PAK4: variants seen among roughly 807,000 people sequenced by gnomAD.
PAK4 encodes the protein serine/threonine-protein kinase PAK 4.
PAK4 carries 49 observed loss-of-function variants against 53.5 expected under a neutral mutation model. The observed-to-expected ratio is 0.92, with a 90% CI of 0.73 to 1.16. The LOEUF is 1.16. PAK4 is among the 50% of genes most tolerant of loss of function. The probability of loss-of-function intolerance (pLI) is 0.00; values close to 1 mark genes in which losing one functional copy is unlikely to be tolerated. For missense variants in PAK4, 824 were observed against 850.7 expected (o/e 0.97, Z 0.39); for synonymous variants, 376 against 375.6 (o/e 1.00, Z -0.01).
chr19:39,176,740 TC>T (rs746049944), intron 7 of PAK4, 25 bp downstream of exon 8: 9 of 1,603,820 alleles, frequency 5.6e-6, no homozygotes, highest in Non-Finnish European at 5.9e-6. Context: ...GGCTTGGTTG[TC>T]CCGCCGTGGA....
intron 1 of PAK4, among the ~76,000 whole-genome samples, chr19:39,130,161 T>TGGG (rs1212389214): frequency 1.8e-5 from 1 of 56,136 alleles, no homozygotes; most frequent in Non-Finnish European, 3.5e-5. Flanking sequence ...CAGGGTGGGG[T>TGGG]GGTGGGACCC....
At chr19:39,148,289 G>A (rs1331222992) in intron 1 of PAK4, among the ~76,000 whole-genome samples, 2 of 151,466 alleles carry the variant, frequency 1.3e-5, no homozygotes, top group African/African-American at 2.4e-5. Flanking sequence ...TGTCAGATAC[G>A]TGGTTTGCAA....
intron 1 of PAK4, among the ~76,000 whole-genome samples, chr19:39,165,515 AAAATAAATAAAT>A (rs57100878): frequency 1.8e-4 from 24 of 135,076 alleles, no homozygotes; most frequent in African/African-American, 5.1e-4. Context: ...ACTCCCTCTC[AAAATAAATAAAT>A]AAATAAATAA....
chr19:39,166,443 A>AAAAT (rs1004714988), intron 1 of PAK4, among the ~76,000 whole-genome samples: 1 of 152,208 alleles, frequency 6.6e-6, no homozygotes, highest in Non-Finnish European at 1.5e-5. Context: ...GACTCCGTTT[A>AAAAT]AAATAAATAA....
rs546757252 is a variant in PAK4, at chr19:39,158,872, CA to C, written c.-22-10659del. Among the ~76,000 whole-genome samples, 396 of 152,264 alleles carry C rather than the reference CA, an allele frequency of 2.6e-3. 4 individuals carry two copies. The highest frequency in any genetic ancestry group is 4.2e-3 in the Non-Finnish European group (288 of 68,016). On this transcript the variant is annotated intron_variant, in intron 1 of 8. Transcript: ENST00000358301. ...CCAACCCTGGAGAAGGTAAGACTAG[CA>C]TATTTGCTCGGCAGAAGGGACCATG...
intron 1 of PAK4, among the ~76,000 whole-genome samples, chr19:39,133,461 G>A (rs1468999896): frequency 1.3e-5 from 2 of 152,190 alleles, no homozygotes; most frequent in Non-Finnish European, 2.9e-5. Context: ...CTAGGGAGGA[G>A]ACTGAGAGCC....
rs2074582672 is a variant in PAK4, at chr19:39,175,344, T to C, written c.1265T>C (p.Leu422Pro). 6.3e-7 allele frequency: 1 copy of C among 1,599,600 alleles called. No individual in the cohort carries two copies. Among genetic ancestry groups the C allele is most frequent in the Admixed American group, 1.7e-5 (1 of 57,532 alleles). ...GAGGAGCAGATCGCGGCCGTGTGCC[T>C]TGCAGTGCTGCAGGCCCTGTCGGTG... The change falls in exon 6 of 9, where the codon CTT becomes CCT. Residue 422 changes from leucine to proline, a missense_variant. Around this residue, in one of 2 missense-constraint regions of PAK4, gnomAD observed 346 missense variants for 415.0 expected, o/e 0.83. Transcript: ENST00000358301. The surrounding 1 kb of genome is among the most constrained non-coding windows in gnomAD (Gnocchi z 4.7).
intron 2 of PAK4, among the ~76,000 whole-genome samples, chr19:39,170,304 G>A (rs1046407180): frequency 2.0e-5 from 3 of 152,172 alleles, no homozygotes; most frequent in Non-Finnish European, 4.4e-5. Context: ...TGGGGAAGCC[G>A]GGCTTTAGTG....
At chr19:39,167,545 G>GC (rs910394989) in intron 1 of PAK4, among the ~76,000 whole-genome samples, 1 of 152,020 alleles carries the variant, frequency 6.6e-6, no homozygotes, top group Non-Finnish European at 1.5e-5. Context: ...GACAAAGGAG[G>GC]CCCCCCGTCC....
Position 39,178,235 on chromosome 19 carries a change from C to G in PAK4, c.1621-189C>G, listed in dbSNP as rs989001064. 3.3e-5 allele frequency among the ~76,000 whole-genome samples: 5 copies of G among 152,080 alleles called. No homozygotes were observed. Among genetic ancestry groups the G allele is most frequent in the African/African-American group, 1.2e-4 (5 of 41,394 alleles). ...ACTTCCTCTGGGGCCACATAGTAAG[C>G]GCCATCACAGGTGCCATCACTGTCC... is the stretch of plus-strand genomic sequence containing the variant. On this transcript the variant is annotated intron_variant, in intron 8 of 8. Transcript: ENST00000358301. This position sits in a 1 kb window ranked among gnomAD's most constrained non-coding sequence, Gnocchi z 4.4.
chr19:39,132,061 G>T (rs1417158597), intron 1 of PAK4, among the ~76,000 whole-genome samples: 2 of 152,176 alleles, frequency 1.3e-5, no homozygotes, highest in Non-Finnish European at 2.9e-5. Flanking sequence ...GTAGTGAGCT[G>T]TAATAACCCC....
chr19:39,126,223 G>A (rs1333309310), intron 1 of PAK4, among the ~76,000 whole-genome samples: 1 of 152,062 alleles, frequency 6.6e-6, no homozygotes, highest in East Asian at 1.9e-4. Context: ...TTGAGGGAAG[G>A]CTGCCCCCAC....
intron 1 of PAK4, among the ~76,000 whole-genome samples, chr19:39,163,948 G>A (rs776009667): frequency 6.6e-6 from 1 of 152,200 alleles, no homozygotes; most frequent in Non-Finnish European, 1.5e-5. Flanking sequence ...GCCCTGTGAA[G>A]CTGACACATT....
In PAK4 at chr19:39,173,132, G is replaced by T. The variant is rs759957708; in HGVS notation, c.419G>T (p.Gly140Val). Residue 140 changes from glycine (G) to valine (V), a missense_variant, in exon 3 of 9, where the codon GGT becomes GTT. Gly to Val is a moderately radical substitution (Grantham distance 109). Coordinates refer to ENST00000358301, the Ensembl canonical transcript of PAK4. The surrounding 1 kb of genome is among the most constrained non-coding windows in gnomAD (Gnocchi z 6.9). ...GCAGGCAGCCGAGGCCGGTTCGCCG[G>T]TCACAGCGAGGCGGGTGGCGGCAGT... is the stretch of plus-strand genomic sequence containing the variant. 26 of 1,547,028 alleles carry T rather than the reference G, an allele frequency of 1.7e-5. No homozygotes were observed. The South Asian group carries it at 2.7e-4, about 16-fold the overall frequency.
chr19:39,173,270 G>A lies in PAK4; in HGVS notation c.557G>A (p.Gly186Asp). 2 of 1,600,054 alleles carry A rather than the reference G, an allele frequency of 1.2e-6. No homozygotes were observed. Among genetic ancestry groups the A allele is most frequent in the Non-Finnish European group, 1.7e-6 (2 of 1,174,406 alleles). ...CGCCCCCTCTCCGGGCCTGATGTCG[G>A]CACCCCCCAGCCTGCTGGTCTGGCC... The change falls in exon 3 of 9, where the codon GGC becomes GAC. Residue 186 changes from glycine (G) to aspartate (D), a missense_variant. By Grantham distance (94) the Gly-to-Asp change is moderately conservative. Coordinates refer to ENST00000358301, the Ensembl canonical transcript of PAK4. This position sits in a 1 kb window ranked among gnomAD's most constrained non-coding sequence, Gnocchi z 6.9.
intron 7 of PAK4, 87 bp downstream of exon 8, chr19:39,176,802 A>G: frequency 1.3e-6 from 2 of 1,487,118 alleles, no homozygotes; most frequent in Non-Finnish European, 1.8e-6. Flanking sequence ...GATGGGGCCC[A>G]GTCTGGGGAG....
chr19:39,144,987 A>C (rs372377822), intron 1 of PAK4, among the ~76,000 whole-genome samples: 2 of 152,146 alleles, frequency 1.3e-5, no homozygotes, highest in Non-Finnish European at 2.9e-5. Flanking sequence ...TATAAAGCAA[A>C]CAGCCATGAA....
intron 2 of PAK4, among the ~76,000 whole-genome samples, chr19:39,172,393 C>T (rs1035026668): frequency 2.0e-5 from 3 of 152,136 alleles, no homozygotes; most frequent in African/African-American, 7.2e-5. Context: ...CTCCTGGGAC[C>T]CCCTTGCCCT....
intron 1 of PAK4, among the ~76,000 whole-genome samples, chr19:39,130,146 G>C (rs892013): frequency 9.1e-6 from 1 of 110,208 alleles, no homozygotes; most frequent in Non-Finnish European, 2.2e-5. Context: ...CCCAGGCAGA[G>C]GGGTCAGGGT....
Sources: gnomAD v4.1 joint callset for allele counts (sites outside exome capture counted in the v4.1 genomes callset) on GRCh38, gnomAD v4.1.1 for gene constraint, gnomAD v4.1.1 regional missense constraint, Gnocchi (gnomAD v3.1) non-coding constraint, MANE v1.5 for transcripts, NCBI Gene and HGNC (gene_info 2026-07-23, HGNC 2026-07-21) for gene names.